MSRB3: variants seen among roughly 807,000 people sequenced by gnomAD.
MSRB3 encodes the protein methionine sulfoxide reductase B3.
A neutral mutation model predicts 21.0 loss-of-function variants in MSRB3; 13 were observed. The ratio of observed to expected loss-of-function variants is 0.62; its 90% CI spans 0.40 to 0.98. The LOEUF is 0.98. Among genes scored for constraint, MSRB3 ranks in the 50% least tolerant of loss-of-function variants. The probability of loss-of-function intolerance (pLI) is 0.00; values close to 1 mark genes in which losing one functional copy is unlikely to be tolerated. For synonymous variants in MSRB3, 87 were observed against 88.6 expected (o/e 0.98, Z 0.10); for missense variants, 199 against 230.3 (o/e 0.86, Z 0.88).
At chr12:65,326,706 T>G (rs746820266) in intron 2 of MSRB3, 120 bp from the exon 3 acceptor site, 8 of 733,738 alleles carry the variant, frequency 1.1e-5, no homozygotes, top group Non-Finnish European at 2.0e-5. Context: ...TCCAGTGCAT[T>G]AGAGACTGGT....
chr12:65,348,903 G>A (rs906736141), intron 4 of MSRB3, among the ~76,000 whole-genome samples: 9 of 149,134 alleles, frequency 6.0e-5, no homozygotes, highest in Non-Finnish European at 1.3e-4. Flanking sequence ...GGTTTTGAGT[G>A]AGTTTCTTTT....
chr12:65,364,843 T>C (rs1197247950), intron 4 of MSRB3, among the ~76,000 whole-genome samples: 1 of 152,174 alleles, frequency 6.6e-6, no homozygotes, highest in Admixed American at 6.5e-5. Context: ...TATCCCCAAA[T>C]TGACAGTTTT....
intron 6 of MSRB3, among the ~76,000 whole-genome samples, chr12:65,454,985 G>A (rs565273969): frequency 6.6e-6 from 1 of 152,298 alleles, no homozygotes; most frequent in South Asian, 2.1e-4. Flanking sequence ...TTGTGGCATT[G>A]AAAGTTATTG....
At chr12:65,291,778 T>C (rs916640024) in intron 1 of MSRB3, among the ~76,000 whole-genome samples, 3 of 152,166 alleles carry the variant, frequency 2.0e-5, no homozygotes, top group Non-Finnish European at 2.9e-5. Flanking sequence ...GGTTAGAGTT[T>C]AGGGCAAAGA....
chr12:65,278,794 G>A lies in MSRB3; in HGVS notation c.-123G>A. The A allele has an allele frequency of 6.4e-7, 1 of 1,571,158 alleles. No homozygotes were observed. Among genetic ancestry groups the A allele is most frequent in the African/African-American group, 1.4e-5 (1 of 73,892 alleles). On this transcript the variant is annotated 5_prime_UTR_variant, in exon 1 of 7. Transcript: ENST00000308259. ...ATGAGCCCGCGGCGGACCCTCCCGCGCCCCCTCTCGCTCTGCCTCTCCCTC... is the reference window on the plus strand; with the variant it reads ...ATGAGCCCGCGGCGGACCCTCCCGCACCCCCTCTCGCTCTGCCTCTCCCTC...
At chr12:65,323,451 C>T (rs1874818174) in intron 2 of MSRB3, among the ~76,000 whole-genome samples, 1 of 152,232 alleles carries the variant, frequency 6.6e-6, no homozygotes, top group Non-Finnish European at 1.5e-5. Flanking sequence ...AATATTATCT[C>T]CTCAAATATG....
intron 4 of MSRB3, among the ~76,000 whole-genome samples, chr12:65,338,504 G>A (rs970192172): frequency 2.0e-5 from 3 of 152,160 alleles, no homozygotes; most frequent in Admixed American, 6.5e-5. Context: ...TCACCTAAGG[G>A]AGTGATGACG....
chr12:65,396,550 G>A (rs1038804968), intron 5 of MSRB3, among the ~76,000 whole-genome samples: 26 of 152,002 alleles, frequency 1.7e-4, no homozygotes, highest in African/African-American at 5.1e-4. Context: ...AATTTGCTGG[G>A]TGTGGCAGTG....
At chr12:65,389,754 T>A (rs1481730870) in intron 5 of MSRB3, among the ~76,000 whole-genome samples, 1 of 152,210 alleles carries the variant, frequency 6.6e-6, no homozygotes, top group African/African-American at 2.4e-5. Context: ...GTTTTCCTTA[T>A]GCTAAATTCC....
chr12:65,291,779 A>G (rs1405682933), intron 1 of MSRB3, among the ~76,000 whole-genome samples: 1 of 152,218 alleles, frequency 6.6e-6, no homozygotes, highest in African/African-American at 2.4e-5. Flanking sequence ...GTTAGAGTTT[A>G]GGGCAAAGAA....
intron 1 of MSRB3, chr12:65,307,035 A>G (rs1873693670): frequency 1.8e-5 from 18 of 985,638 alleles, no homozygotes; most frequent in Non-Finnish European, 2.0e-5. Context: ...AAGTAATTAC[A>G]TTTACTGTGT....
chr12:65,326,877 T>G lies in MSRB3; in HGVS notation c.128T>G (p.Leu43Arg), dbSNP rs1423811347. ...NCKVVFSQQE[L>R]RKRLTPLQYH... ...AAGGTGGTCTTTTCCCAGCAGGAACTGAGGAAGCGGCTAACACCCCTGCAG... is the reference window on the plus strand; with the variant it reads ...AAGGTGGTCTTTTCCCAGCAGGAACGGAGGAAGCGGCTAACACCCCTGCAG... Residue 43 changes from leucine (L) to arginine (R), a missense_variant, in exon 3 of 7, where the codon CTG (leucine) becomes CGG (arginine). Physicochemically the swap from Leu to Arg is moderately radical, Grantham distance 102. Transcript: ENST00000308259. 1 of 1,613,660 alleles carries G rather than the reference T, an allele frequency of 6.2e-7. No individual in the cohort carries two copies.
intron 6 of MSRB3, among the ~76,000 whole-genome samples, chr12:65,462,711 A>G (rs1050941878): frequency 5.3e-5 from 8 of 152,184 alleles, no homozygotes; most frequent in Non-Finnish European, 1.2e-4. Flanking sequence ...GAAAGCAAAC[A>G]TCACCTCTGT....
intron 5 of MSRB3, among the ~76,000 whole-genome samples, chr12:65,422,388 G>GTGTATATATA (rs1491546273): frequency 5.4e-5 from 5 of 92,488 alleles, no homozygotes; most frequent in Non-Finnish European, 6.3e-5. Context: ...GGAGTACATA[G>GTGTATATATA]TATATATATA....
intron 5 of MSRB3, among the ~76,000 whole-genome samples, chr12:65,387,253 T>C (rs1879239716): frequency 6.6e-6 from 1 of 152,122 alleles, no homozygotes; most frequent in Non-Finnish European, 1.5e-5. Context: ...TTATGACTTT[T>C]AACTTTTACT....
intron 5 of MSRB3, among the ~76,000 whole-genome samples, chr12:65,394,752 A>C (rs1484211479): frequency 2.0e-5 from 3 of 152,278 alleles, no homozygotes; most frequent in Admixed American, 2.0e-4. Context: ...GATTTATCTT[A>C]GGAATGCAAG....
At chr12:65,432,676 T>C (rs10748019) in intron 5 of MSRB3, among the ~76,000 whole-genome samples, 142,971 of 151,730 alleles carry the variant, frequency 0.94, 67,984 homozygotes, top group East Asian at 1. Context: ...TTTTTTCCAT[T>C]AGTTAGAATA....
At chr12:65,401,467 T>A (rs1223017031) in intron 5 of MSRB3, among the ~76,000 whole-genome samples, 1 of 152,206 alleles carries the variant, frequency 6.6e-6, no homozygotes, top group Non-Finnish European at 1.5e-5. Flanking sequence ...GCTTGGTAAA[T>A]CTTCCTCCAT....
intron 4 of MSRB3, among the ~76,000 whole-genome samples, chr12:65,330,142 G>A (rs10083077): frequency 0.042 from 6,350 of 152,194 alleles, 430 homozygotes; most frequent in African/African-American, 0.14. Context: ...CCTACCATGT[G>A]ATTCACTAAA....
Sources: gnomAD v4.1 joint callset for allele counts (sites outside exome capture counted in the v4.1 genomes callset) on GRCh38, gnomAD v4.1.1 for gene constraint, MANE v1.5 for transcripts, NCBI Gene and HGNC (gene_info 2026-07-23, HGNC 2026-07-21) for gene names.